Variants in CDHR3 observed in about 807,000 individuals in gnomAD.
CDHR3 encodes the protein cadherin related family member 3.
In CDHR3, 79 loss-of-function variants were observed where a neutral mutation model predicts 86.6. The ratio of observed to expected loss-of-function variants is 0.91; its 90% CI spans 0.76 to 1.10. CDHR3 has a LOEUF of 1.10. Ranked by LOEUF, CDHR3 falls within the 50% of genes least tolerant of loss-of-function variation. CDHR3 has a pLI of 0.00. For synonymous variants in CDHR3, 421 were observed against 402.4 expected (o/e 1.05, Z -0.55); for missense variants, 1,081 against 1,077.6 (o/e 1.00, Z -0.04).
chr7:105,967,829 T>A (rs374496767), intron 1 of CDHR3, among the ~76,000 whole-genome samples: 1 of 152,180 alleles, frequency 6.6e-6, no homozygotes, highest in Non-Finnish European at 1.5e-5. Flanking sequence ...AAATTTGTTT[T>A]AGTTCTTTGT....
At chr7:106,015,839 T>G (rs1198496004) in intron 10 of CDHR3, 88 bp from the exon 11 acceptor site, 2 of 989,316 alleles carry the variant, frequency 2.0e-6, no homozygotes. Flanking sequence ...GCGCAAAGCC[T>G]GTACACAGGA....
At position 105,979,503 on chromosome 7, in the gene CDHR3, G is replaced by A. The variant is rs549691221; in HGVS notation, c.250-1465G>A. 2.0e-5 allele frequency among the ~76,000 whole-genome samples: 3 copies of A among 152,260 alleles called. No individual in the cohort carries two copies. In the East Asian group the frequency reaches 5.8e-4, roughly 29 times the overall value. Reference sequence around the variant, plus strand: ...TAATACCTACCAACTCCTCTACGAAGCCTTCCCCAGCTAAACACAGCTCAC... The same window carrying A: ...TAATACCTACCAACTCCTCTACGAAACCTTCCCCAGCTAAACACAGCTCAC... On this transcript the variant is annotated intron_variant, in intron 2 of 18. Coordinates refer to ENST00000317716, the MANE Select transcript of CDHR3 (RefSeq NM_152750.5).
intron 1 of CDHR3, among the ~76,000 whole-genome samples, chr7:105,964,888 T>A (rs931941527): frequency 7.2e-5 from 11 of 152,230 alleles, no homozygotes; most frequent in Non-Finnish European, 1.3e-4. Context: ...CAGTTCAGAC[T>A]GTCACTTGAA....
At chr7:106,003,843 G>A (rs1411237298) in intron 7 of CDHR3, among the ~76,000 whole-genome samples, 2 of 152,018 alleles carry the variant, frequency 1.3e-5, no homozygotes, top group Non-Finnish European at 2.9e-5. Context: ...ATAGTGTAGG[G>A]ACAACCATGG....
chr7:105,999,160 C>G (rs1015119563), intron 6 of CDHR3, among the ~76,000 whole-genome samples: 1 of 152,214 alleles, frequency 6.6e-6, no homozygotes, highest in South Asian at 2.1e-4. Context: ...CTGCATGGCA[C>G]CTAGCTTCAC....
intron 7 of CDHR3, among the ~76,000 whole-genome samples, chr7:106,003,047 T>A (rs1273010927): frequency 6.7e-6 from 1 of 148,340 alleles, no homozygotes; most frequent in Non-Finnish European, 1.5e-5. Flanking sequence ...GGCAGGAGGA[T>A]CCCTTGAGCC....
rs182586237 is a variant in CDHR3 at position 106,021,023 on chromosome 7, T to C, written c.1825+479T>C. Among the ~76,000 whole-genome samples, 6 of 152,330 alleles carry C rather than the reference T, an allele frequency of 3.9e-5. No individual in the cohort carries two copies. The East Asian group carries it at 1.2e-3, about 29-fold the overall frequency. On this transcript the variant is annotated intron_variant, in intron 13 of 18. Coordinates refer to ENST00000317716, the MANE Select transcript of CDHR3 (RefSeq NM_152750.5). Reference sequence around the variant, plus strand: ...CCAACTTTTCGACCACCTCTTTTCCTGAAAGCTGGTAGTGGGGGCAGGGAA... The same window carrying C: ...CCAACTTTTCGACCACCTCTTTTCCCGAAAGCTGGTAGTGGGGGCAGGGAA...
At position 106,035,507 on chromosome 7, in the gene CDHR3, G is replaced by C. The variant is rs1838841330; in HGVS notation, c.*2810G>C. ...GGAACAAAATGCCCAGCAAAGCAGAGAAAGAATGAGGCAACGAAAGAATGA... is the reference window on the plus strand; with the variant it reads ...GGAACAAAATGCCCAGCAAAGCAGACAAAGAATGAGGCAACGAAAGAATGA... On this transcript the variant is annotated 3_prime_UTR_variant, in exon 19 of 19. Transcript: ENST00000317716. Among the ~76,000 whole-genome samples, 1 of 152,224 alleles carries C rather than the reference G, an allele frequency of 6.6e-6. No homozygotes were observed. Among genetic ancestry groups the C allele is most frequent in the Non-Finnish European group, 1.5e-5 (1 of 68,042 alleles).
chr7:105,992,120 C>T (rs1831447630), intron 4 of CDHR3, among the ~76,000 whole-genome samples: 1 of 152,166 alleles, frequency 6.6e-6, no homozygotes, highest in Non-Finnish European at 1.5e-5. Flanking sequence ...ACCTTTGTTC[C>T]CTCGGTTGAC....
chr7:106,015,919 AT>A lies in CDHR3; in HGVS notation c.1328-3del. The A allele has an allele frequency of 6.3e-6, 10 of 1,584,950 alleles. No individual in the cohort carries two copies. Among genetic ancestry groups the A allele is most frequent in the Non-Finnish European group, 8.7e-6 (10 of 1,155,396 alleles). On this transcript the variant is annotated splice_polypyrimidine_tract_variant and splice_region_variant and intron_variant, in intron 10 of 18. Coordinates refer to ENST00000317716, the MANE Select transcript of CDHR3 (RefSeq NM_152750.5). ...TGTGATTAAATGTGTTTCTATTTCC[AT>A]TTTTAGATAACGTCTACGTTTATAT...
chr7:105,996,735 C>G (rs1403653077), intron 6 of CDHR3, among the ~76,000 whole-genome samples: 2 of 152,150 alleles, frequency 1.3e-5, no homozygotes, highest in African/African-American at 4.8e-5. Context: ...CCCTAACGCC[C>G]GCTCCTAGTA....
chr7:105,982,027 GGCTGGCAGCTGGCCTCCCAGCCCCCCT>G (rs72205106), intron 3 of CDHR3, among the ~76,000 whole-genome samples: 22,394 of 151,946 alleles, frequency 0.15, 1,704 homozygotes, highest in African/African-American at 0.2. Context: ...TTGTTGCAAT[GGCTGGCAGCTGGCCTCCCAGCCCCCCT>G]GCAGTCTGTT....
chr7:106,020,497 C>A lies in CDHR3; in HGVS notation c.1778C>A (p.Thr593Asn). 6.2e-7 allele frequency: 1 copy of A among 1,613,994 alleles called. No homozygotes were observed. The highest frequency in any genetic ancestry group is 8.5e-7 in the Non-Finnish European group (1 of 1,179,880). ...TNIQNFKLTC[T>N]DLDSSPRSFR... Reference sequence around the variant, plus strand: ...ATTCAGAATTTCAAGCTGACATGTACCGACCTTGATTCCAGCCCCAGATCT... The same window carrying A: ...ATTCAGAATTTCAAGCTGACATGTAACGACCTTGATTCCAGCCCCAGATCT... Residue 593 changes from threonine (T) to asparagine (N), a missense_variant, in exon 13 of 19, where the codon ACC becomes AAC. Thr to Asn is a moderately conservative substitution (Grantham distance 65). Coordinates refer to ENST00000317716, the MANE Select transcript of CDHR3 (RefSeq NM_152750.5).
intron 8 of CDHR3, among the ~76,000 whole-genome samples, chr7:106,009,117 C>T (rs1164035451): frequency 6.6e-6 from 1 of 152,204 alleles, no homozygotes; most frequent in Non-Finnish European, 1.5e-5. Context: ...CAGATTAGCC[C>T]TGAAGGCCAA....
At chr7:106,032,354 T>A (rs1353280571) in intron 18 of CDHR3, 39 bp from the exon 19 acceptor site, 1 of 1,560,576 alleles carries the variant, frequency 6.4e-7, no homozygotes, top group African/African-American at 1.4e-5. Flanking sequence ...TCATTGGAAT[T>A]TTCTGGCTTA....
At chr7:106,023,652 A>G (rs1344740181) in intron 14 of CDHR3, among the ~76,000 whole-genome samples, 2 of 152,152 alleles carry the variant, frequency 1.3e-5, no homozygotes, top group Non-Finnish European at 1.5e-5. Flanking sequence ...AGAACCCACT[A>G]TGGAGGTGGC....
chr7:105,985,842 TAAC>T (rs1167264518), intron 4 of CDHR3, among the ~76,000 whole-genome samples: 2 of 152,210 alleles, frequency 1.3e-5, no homozygotes, highest in African/African-American at 4.8e-5. Flanking sequence ...TGTCTGCAAA[TAAC>T]AAAACTTAAC....
intron 4 of CDHR3, among the ~76,000 whole-genome samples, chr7:105,991,977 A>G (rs774033627): frequency 2.9e-4 from 44 of 152,228 alleles, no homozygotes; most frequent in Non-Finnish European, 5.4e-4. Flanking sequence ...ACATCCAGGT[A>G]TTCTGGCTCC....
intron 2 of CDHR3, among the ~76,000 whole-genome samples, chr7:105,977,938 G>A (rs866075540): frequency 3.3e-5 from 5 of 152,120 alleles, no homozygotes; most frequent in East Asian, 1.9e-4. Context: ...TTTCATTTAC[G>A]GGGCATTTAC....
Sources: allele counts gnomAD v4.1 joint callset (sites outside exome capture counted in the v4.1 genomes callset), GRCh38; gene constraint gnomAD v4.1.1; transcripts MANE v1.5; gene names NCBI Gene and HGNC (gene_info 2026-07-23, HGNC 2026-07-21).